The following RORA variants were observed in gnomAD, a reference collection of about 807,000 sequenced individuals.
RORA encodes the protein RAR related orphan receptor A.
A neutral mutation model predicts 69.5 loss-of-function variants in RORA; 7 were observed. The ratio of observed to expected loss-of-function variants is 0.10; its 90% CI spans 0.06 to 0.19. The LOEUF (loss-of-function observed/expected upper bound fraction) is 0.19, where lower values mean the gene tolerates loss of function less well. RORA is among the 10% of genes least tolerant of loss of function. The pLI is 1.00. For synonymous variants in RORA, 261 were observed against 240.8 expected (o/e 1.08, Z -0.78); for missense variants, 457 against 663.0 (o/e 0.69, Z 3.41).
At chr15:60,776,292 T>A (rs2072166180) in intron 1 of RORA, among the ~76,000 whole-genome samples, 1 of 152,234 alleles carries the variant, frequency 6.6e-6, no homozygotes, top group African/African-American at 2.4e-5. Flanking sequence ...ACTCTTCCCA[T>A]TCTTGAGCCC....
At chr15:60,756,429 A>G (rs889185891) in intron 1 of RORA, among the ~76,000 whole-genome samples, 1 of 152,228 alleles carries the variant, frequency 6.6e-6, no homozygotes, top group Non-Finnish European at 1.5e-5. Flanking sequence ...TAAAATTTGA[A>G]AAGTTTATAA....
chr15:60,936,036 T>C (rs995384818), intron 1 of RORA, among the ~76,000 whole-genome samples: 3 of 152,220 alleles, frequency 2.0e-5, no homozygotes, highest in African/African-American at 7.2e-5. Flanking sequence ...TGGCCGGCCC[T>C]ACAGTTACTC....
chr15:61,018,267 C>CT (rs1344106979), intron 1 of RORA, among the ~76,000 whole-genome samples: 4 of 152,036 alleles, frequency 2.6e-5, no homozygotes, highest in Non-Finnish European at 4.4e-5. Flanking sequence ...TGGCAAGTAC[C>CT]GGGGGCCTCT....
At position 61,117,786 on chromosome 15, in the gene RORA, A is replaced by C. The variant is rs766960962; in HGVS notation, c.166+111267T>G. On this transcript the variant is annotated intron_variant, in intron 1 of 10. Coordinates refer to ENST00000335670, the MANE Select transcript of RORA (RefSeq NM_134261.3). ...CTATTTTGAAGCATCAATTTGTAGAAGAATGTAAGTATTCTTAATTTTTGA... is the reference window on the plus strand; with the variant it reads ...CTATTTTGAAGCATCAATTTGTAGACGAATGTAAGTATTCTTAATTTTTGA... Among the ~76,000 whole-genome samples, 96 of 152,368 alleles carry C rather than the reference A, an allele frequency of 6.3e-4. 1 individual carries two copies. Among genetic ancestry groups the C allele is most frequent in the Middle Eastern group, 3.4e-3 (1 of 294 alleles).
chr15:60,655,852 C>G (rs2070213874), intron 2 of RORA, among the ~76,000 whole-genome samples: 1 of 152,138 alleles, frequency 6.6e-6, no homozygotes, highest in South Asian at 2.1e-4. Flanking sequence ...AGACCCTCAT[C>G]CTTGTTCAGT....
intron 1 of RORA, among the ~76,000 whole-genome samples, chr15:60,731,447 G>A (rs749755012): frequency 4.6e-5 from 7 of 152,158 alleles, no homozygotes; most frequent in Admixed American, 6.6e-5. Context: ...CTAGGGAGAG[G>A]CAGACACAAA....
At chr15:61,187,456 C>T (rs2079754850) in intron 1 of RORA, among the ~76,000 whole-genome samples, 1 of 152,006 alleles carries the variant, frequency 6.6e-6, no homozygotes, top group East Asian at 1.9e-4. Flanking sequence ...GAAGAGCCTC[C>T]AGGGGGAGGA....
Position 60,986,288 on chromosome 15 carries a change from C to T in RORA, c.166+242765G>A, listed in dbSNP as rs543734765. On this transcript the variant is annotated intron_variant, in intron 1 of 10. Transcript: ENST00000335670. ...AGCTGGGACTACAGGTGCACACCAC[C>T]ACACCCAGCTAATTTTTGTATGTTT... 6.6e-5 allele frequency among the ~76,000 whole-genome samples: 10 copies of T among 152,260 alleles called. No homozygotes were observed. The East Asian group carries it at 1.9e-3, about 29-fold the overall frequency.
chr15:60,604,860 T>G (rs1328826713), intron 2 of RORA, among the ~76,000 whole-genome samples: 1 of 152,202 alleles, frequency 6.6e-6, no homozygotes. Context: ...GTTTTTAAGA[T>G]CTTAAAAGTC....
intron 1 of RORA, among the ~76,000 whole-genome samples, chr15:60,929,195 G>C (rs559244417): frequency 6.6e-6 from 1 of 152,124 alleles, no homozygotes; most frequent in Non-Finnish European, 1.5e-5. Flanking sequence ...TTGTCAAGAC[G>C]GCAAGCTTTG....
intron 1 of RORA, among the ~76,000 whole-genome samples, chr15:61,010,598 A>G (rs965571578): frequency 6.6e-6 from 1 of 152,194 alleles, no homozygotes. Context: ...CTGACCAGGA[A>G]GGGGAGTGTT....
intron 1 of RORA, among the ~76,000 whole-genome samples, chr15:60,744,790 C>T (rs2071624745): frequency 6.6e-6 from 1 of 152,186 alleles, no homozygotes; most frequent in Non-Finnish European, 1.5e-5. Flanking sequence ...CTGCCCAGGG[C>T]CATTAACAAT....
At chr15:60,667,917 C>A (rs1354085028) in intron 2 of RORA, among the ~76,000 whole-genome samples, 8 of 152,242 alleles carry the variant, frequency 5.3e-5, no homozygotes, top group Middle Eastern at 3.4e-3. Context: ...GCCACTGCAC[C>A]CAGCCCAAAG....
chr15:61,113,652 C>A (rs2079026129), intron 1 of RORA, among the ~76,000 whole-genome samples: 2 of 152,142 alleles, frequency 1.3e-5, no homozygotes, highest in African/African-American at 4.8e-5. Flanking sequence ...AGTTCCTGAG[C>A]CTGTTTTTTT....
At chr15:61,074,810 G>A (rs913955427) in intron 1 of RORA, among the ~76,000 whole-genome samples, 8 of 152,112 alleles carry the variant, frequency 5.3e-5, no homozygotes, top group Admixed American at 5.2e-4. Flanking sequence ...GGAGAAGTCG[G>A]GTGTGGTGGC....
chr15:61,182,838 C>A (rs1349481394), intron 1 of RORA: 1 of 152,258 alleles, frequency 6.6e-6, no homozygotes, highest in South Asian at 2.1e-4. Flanking sequence ...GTGTGGTGCT[C>A]TTCCCCTAAA....
chr15:60,578,493 T>C (rs1355742116), intron 2 of RORA, among the ~76,000 whole-genome samples: 2 of 152,202 alleles, frequency 1.3e-5, no homozygotes, highest in African/African-American at 4.8e-5. Flanking sequence ...TGAGAAAATA[T>C]ATGAAACATA....
intron 1 of RORA, among the ~76,000 whole-genome samples, chr15:60,705,505 C>T (rs1051773975): frequency 1.3e-5 from 2 of 152,044 alleles, no homozygotes; most frequent in Non-Finnish European, 2.9e-5. Flanking sequence ...GGCAAAAGGC[C>T]GTAAAATGAA....
At chr15:60,872,194 C>T (rs1314973902) in intron 1 of RORA, among the ~76,000 whole-genome samples, 1 of 152,182 alleles carries the variant, frequency 6.6e-6, no homozygotes, top group Non-Finnish European at 1.5e-5. Context: ...TGTGATCTTG[C>T]ATTGGCCATT....
Sources: gnomAD v4.1 joint callset for allele counts (sites outside exome capture counted in the v4.1 genomes callset) on GRCh38, gnomAD v4.1.1 for gene constraint, MANE v1.5 for transcripts, NCBI Gene and HGNC (gene_info 2026-07-23, HGNC 2026-07-21) for gene names.